SEMA3D: variants seen among roughly 807,000 people sequenced by gnomAD.
The protein encoded by SEMA3D is semaphorin 3D.
SEMA3D carries 84 observed loss-of-function variants against 100.1 expected under a neutral mutation model. The ratio of observed to expected loss-of-function variants is 0.84; its 90% CI spans 0.70 to 1.01. The LOEUF is 1.01. Ranked by LOEUF, SEMA3D falls within the 50% of genes least tolerant of loss-of-function variation. The pLI is 0.00. For synonymous variants in SEMA3D, 312 were observed against 320.7 expected (o/e 0.97, Z 0.29); for missense variants, 875 against 934.1 (o/e 0.94, Z 0.82).
intron 1 of SEMA3D, among the ~76,000 whole-genome samples, chr7:85,156,750 C>T (rs1395306993): frequency 6.6e-6 from 1 of 152,090 alleles, no homozygotes; most frequent in African/African-American, 2.4e-5. Flanking sequence ...ATCTTTTAAA[C>T]AGGCTCTTTA....
chr7:85,155,557 G>T (rs1182579951), intron 1 of SEMA3D, among the ~76,000 whole-genome samples: 2 of 152,034 alleles, frequency 1.3e-5, no homozygotes, highest in South Asian at 2.1e-4. Flanking sequence ...TTAAATAGTA[G>T]ACAAATCAGG....
intron 2 of SEMA3D, among the ~76,000 whole-genome samples, chr7:85,145,748 TC>T (rs1790185713): frequency 6.6e-6 from 1 of 152,148 alleles, no homozygotes; most frequent in African/African-American, 2.4e-5. Context: ...CACACTGTCA[TC>T]CCTCAAGATT....
the SEMA3D span, among the ~76,000 whole-genome samples, chr7:85,213,504 ATTAC>A: frequency 6.6e-6 from 1 of 151,986 alleles, no homozygotes; most frequent in Non-Finnish European, 1.5e-5. Context: ...TTATTGATTG[ATTAC>A]TTACTTGTTT....
rs1251415191 is a variant in SEMA3D at position 84,999,639 on chromosome 7, C to G, written c.2135G>C (p.Arg712Thr). 6.2e-7 allele frequency: 1 copy of G among 1,614,052 alleles called. No individual in the cohort carries two copies. The highest frequency in any genetic ancestry group is 1.3e-5 in the African/African-American group (1 of 75,030). ...VKDLLAESRLRYKDYIQILSS... is the reference protein window; with the variant it reads ...VKDLLAESRLTYKDYIQILSS... ...AAGGATTTGGATGTAGTCTTTGTAT[C>G]TCAACCGTGACTCAGCCAATAGATC... The change falls in exon 19 of 19, where the codon AGA (arginine) becomes ACA (threonine). Residue 712 changes from arginine to threonine, a missense_variant. By Grantham distance (71) the Arg-to-Thr change is moderately conservative (BLOSUM62 -1). Transcript: ENST00000284136.
the SEMA3D span, among the ~76,000 whole-genome samples, chr7:85,233,983 A>G: frequency 6.6e-6 from 1 of 152,222 alleles, no homozygotes; most frequent in Non-Finnish European, 1.5e-5. Context: ...AAGAAAGCAT[A>G]TTAGACAATA....
At chr7:85,140,692 C>A (rs1449245252) in intron 2 of SEMA3D, 2 of 980,630 alleles carry the variant, frequency 2.0e-6, no homozygotes, top group Non-Finnish European at 2.4e-6. Context: ...GTTAAGGAGT[C>A]ATTATTAAGA....
the SEMA3D span, among the ~76,000 whole-genome samples, chr7:85,241,477 A>G: frequency 3.7e-5 from 5 of 135,978 alleles, no homozygotes; most frequent in East Asian, 7.1e-4. Flanking sequence ...GTATATATAT[A>G]TATATATATA....
At chr7:85,208,501 A>G in the SEMA3D span, among the ~76,000 whole-genome samples, 4 of 152,196 alleles carry the variant, frequency 2.6e-5, no homozygotes, top group East Asian at 7.7e-4. Context: ...CTAGAAATTC[A>G]TTCTATGCTT....
the SEMA3D span, among the ~76,000 whole-genome samples, chr7:85,230,910 C>A: frequency 6.6e-6 from 1 of 152,126 alleles, no homozygotes; most frequent in Admixed American, 6.5e-5. Flanking sequence ...ACTCAGTTGC[C>A]AAACCAACAA....
At chr7:85,158,801 C>T (rs1790667026) in intron 1 of SEMA3D, among the ~76,000 whole-genome samples, 1 of 152,088 alleles carries the variant, frequency 6.6e-6, no homozygotes, top group African/African-American at 2.4e-5. Context: ...GTACTCTGTC[C>T]CTTTATTTCT....
chr7:85,242,022 A>C, the SEMA3D span, among the ~76,000 whole-genome samples: 1 of 151,962 alleles, frequency 6.6e-6, no homozygotes, highest in Non-Finnish European at 1.5e-5. Flanking sequence ...CTCAAAAACT[A>C]AAAATAGAGC....
intron 2 of SEMA3D, among the ~76,000 whole-genome samples, chr7:85,125,681 C>A (rs374759644): frequency 6.6e-6 from 1 of 152,072 alleles, no homozygotes; most frequent in Non-Finnish European, 1.5e-5. Context: ...TTCTTCCCAA[C>A]AATCCTATAA....
the SEMA3D span, among the ~76,000 whole-genome samples, chr7:85,228,761 C>T: frequency 6.6e-6 from 1 of 151,914 alleles, no homozygotes; most frequent in Non-Finnish European, 1.5e-5. Context: ...TCATGAAAGT[C>T]ATAAGAGAAT....
chr7:85,183,847 C>T (rs1252810845), intron 1 of SEMA3D, among the ~76,000 whole-genome samples: 1 of 152,110 alleles, frequency 6.6e-6, no homozygotes, highest in Non-Finnish European at 1.5e-5. Flanking sequence ...CAAAAGTGAA[C>T]CAATGGTACT....
intron 2 of SEMA3D, among the ~76,000 whole-genome samples, chr7:85,136,177 G>T (rs1314603173): frequency 6.6e-6 from 1 of 152,096 alleles, no homozygotes; most frequent in Non-Finnish European, 1.5e-5. Context: ...CCTTTGGAAT[G>T]CCAATGAAGA....
chr7:85,004,239 T>C (rs1789733251), intron 18 of SEMA3D, among the ~76,000 whole-genome samples: 1 of 152,122 alleles, frequency 6.6e-6, no homozygotes, highest in Non-Finnish European at 1.5e-5. Flanking sequence ...TTTATGCTTA[T>C]CTACACTTAG....
chr7:85,212,615 A>G, the SEMA3D span, among the ~76,000 whole-genome samples: 6 of 151,952 alleles, frequency 3.9e-5, no homozygotes, highest in African/African-American at 1.5e-4. Context: ...TAGATGTGAG[A>G]AAAATGCTTC....
chr7:85,096,936 G>T (rs552444767), intron 4 of SEMA3D, among the ~76,000 whole-genome samples: 1 of 151,692 alleles, frequency 6.6e-6, no homozygotes, highest in Non-Finnish European at 1.5e-5. Flanking sequence ...GATTTAAACC[G>T]TGCAACTGCT....
rs1789510586 is a variant in SEMA3D at position 84,996,706 on chromosome 7, CA to C, written c.*2733del. On this transcript the variant is annotated 3_prime_UTR_variant, in exon 19 of 19. Coordinates refer to ENST00000284136, the MANE Select transcript of SEMA3D (RefSeq NM_001384900.1). ...AAAGAACACACAAGGCAGACAAAGA[CA>C]AAAGTATTAGAGACAAGAAAAATAC... 6.6e-6 allele frequency: 1 copy of C among 152,160 alleles called. No individual in the cohort carries two copies. Among genetic ancestry groups the C allele is most frequent in the Non-Finnish European group, 1.5e-5 (1 of 67,872 alleles). 9.4% of individuals were successfully genotyped at this position (152,160 alleles called of 1,614,324 possible).
Sources: allele counts gnomAD v4.1 joint callset (sites outside exome capture counted in the v4.1 genomes callset), GRCh38; gene constraint gnomAD v4.1.1; transcripts MANE v1.5; gene names NCBI Gene and HGNC (gene_info 2026-07-23, HGNC 2026-07-21).